The following RGS7BP variants were observed in gnomAD, a reference collection of about 807,000 sequenced individuals.
RGS7BP encodes the protein regulator of G protein signaling 7 binding protein.
Under a neutral mutation model 31.3 loss-of-function variants are expected in RGS7BP, and 9 were observed. The observed-to-expected ratio is 0.29, with a 90% CI of 0.17 to 0.50. The LOEUF is 0.50. Ranked by LOEUF, RGS7BP falls within the 20% of genes least tolerant of loss-of-function variation. The pLI is 0.98. For synonymous variants in RGS7BP, 115 were observed against 120.1 expected, an observed-to-expected ratio of 0.96 and a Z score of 0.28; for missense variants, 274 against 322.0, an observed-to-expected ratio of 0.85 and a Z score of 1.14.
chr5:64,508,055 G>A (rs142835725), intron 2 of RGS7BP, among the ~76,000 whole-genome samples, 178 bp downstream of exon 2: 1 of 152,274 alleles, frequency 6.6e-6, no homozygotes, highest in East Asian at 1.9e-4. Context: ...TGAAGGCTGT[G>A]TCATTCTTGC....
chr5:64,561,134 C>T (rs1742046019), intron 2 of RGS7BP, among the ~76,000 whole-genome samples: 1 of 152,112 alleles, frequency 6.6e-6, no homozygotes, highest in Non-Finnish European at 1.5e-5. Context: ...CCTGATGGTC[C>T]TCCTGTGCTA....
At chr5:64,595,290 C>T (rs903376794) in intron 4 of RGS7BP, among the ~76,000 whole-genome samples, 2 of 152,110 alleles carry the variant, frequency 1.3e-5, no homozygotes, top group Admixed American at 6.6e-5. Flanking sequence ...AGTAAAGTCT[C>T]GGGTTTCAGG....
chr5:64,609,066 C>T, intron 5 of RGS7BP, 95 bp from the exon 6 acceptor site: 1 of 805,772 alleles, frequency 1.2e-6, no homozygotes, highest in Non-Finnish European at 2.2e-6. Flanking sequence ...TTGAGAAATC[C>T]TGATTAGGAG....
At chr5:64,605,916 C>CAT (rs549582180) in intron 5 of RGS7BP, among the ~76,000 whole-genome samples, 3,547 of 123,608 alleles carry the variant, frequency 0.029, 272 homozygotes, top group African/African-American at 0.1. Flanking sequence ...TATCTGGATA[C>CAT]ATATATATAT....
Position 64,594,823 on chromosome 5 carries a change from T to C in RGS7BP, c.577T>C (p.Trp193Arg), listed in dbSNP as rs1743020527. The C allele has an allele frequency of 6.2e-7, 1 of 1,613,788 alleles. No homozygotes were observed. Among genetic ancestry groups the C allele is most frequent in the Non-Finnish European group, 8.5e-7 (1 of 1,179,780 alleles). ...CCCCGTAGATAGTCAGCAACATTCC[T>C]GGCAGGTTTCCACAGACATTGAGAA... ...SSPVDSQQHS[W>R]QVSTDIENTE... Residue 193 changes from tryptophan (W) to arginine (R), a missense_variant, in exon 4 of 6, where the codon TGG becomes CGG. Coordinates refer to ENST00000334025, the MANE Select transcript of RGS7BP (RefSeq NM_001029875.3).
At chr5:64,518,353 TGTG>T (rs570515593) in intron 2 of RGS7BP, among the ~76,000 whole-genome samples, 2 of 147,138 alleles carry the variant, frequency 1.4e-5, no homozygotes, top group Non-Finnish European at 3.0e-5. Context: ...TCATGGTGTG[TGTG>T]GTGGTGGTGG....
chr5:64,539,490 C>T (rs1017466018), intron 2 of RGS7BP: 4 of 152,092 alleles, frequency 2.6e-5, no homozygotes, highest in African/African-American at 9.7e-5. Context: ...TTCTTTTAGA[C>T]GTTTTATAGT....
intron 2 of RGS7BP, among the ~76,000 whole-genome samples, chr5:64,515,322 G>A (rs1748945121): frequency 6.6e-6 from 1 of 152,154 alleles, no homozygotes; most frequent in Non-Finnish European, 1.5e-5. Flanking sequence ...CAGAGGACTT[G>A]AAGAGCTTAT....
intron 2 of RGS7BP, among the ~76,000 whole-genome samples, chr5:64,560,981 G>A (rs11956737): frequency 0.21 from 31,339 of 152,060 alleles, 3,983 homozygotes; most frequent in South Asian, 0.34. Context: ...CAAAAAGTTA[G>A]AGAGGGTTCT....
intron 2 of RGS7BP, among the ~76,000 whole-genome samples, chr5:64,547,821 C>T (rs1033625730): frequency 2.6e-5 from 4 of 152,100 alleles, no homozygotes; most frequent in Admixed American, 2.6e-4. Flanking sequence ...GGTTCTCTTT[C>T]CTCTTCTCAT....
At chr5:64,569,192 A>G (rs1742244414) in intron 2 of RGS7BP, among the ~76,000 whole-genome samples, 1 of 152,096 alleles carries the variant, frequency 6.6e-6, no homozygotes, top group Admixed American at 6.6e-5. Flanking sequence ...AGCCAGCCAT[A>G]TGTTCCCATG....
At chr5:64,515,711 TACAC>T (rs140297030) in intron 2 of RGS7BP, among the ~76,000 whole-genome samples, 7 of 148,654 alleles carry the variant, frequency 4.7e-5, no homozygotes, top group Admixed American at 1.3e-4. Context: ...CCTATATGCA[TACAC>T]ACACACACAC....
chr5:64,577,887 CTTG>C (rs556257705), intron 3 of RGS7BP, among the ~76,000 whole-genome samples: 1,645 of 152,276 alleles, frequency 0.011, 10 homozygotes, highest in Non-Finnish European at 0.018. Context: ...GATTTCATGC[CTTG>C]TTGCCACTGG....
At chr5:64,573,718 T>A (rs1742353929) in intron 2 of RGS7BP, 1 of 152,234 alleles carries the variant, frequency 6.6e-6, no homozygotes, top group Non-Finnish European at 1.5e-5. Context: ...GGTGTTCTAT[T>A]GCACAGTAAG....
At chr5:64,556,417 C>CCACACACACA (rs10624566) in intron 2 of RGS7BP, among the ~76,000 whole-genome samples, 15 of 125,430 alleles carry the variant, frequency 1.2e-4, no homozygotes, top group African/African-American at 9.0e-5. Flanking sequence ...TCTTCCCCAG[C>CCACACACACA]CACACACACA....
intron 2 of RGS7BP, among the ~76,000 whole-genome samples, chr5:64,526,278 A>G (rs151011772): frequency 1.0e-3 from 152 of 152,258 alleles, no homozygotes; most frequent in African/African-American, 3.1e-3. Context: ...CTTCAATTCT[A>G]TTGGCATCTG....
At position 64,575,758 on chromosome 5, in the gene RGS7BP, T is replaced by C. The variant is rs775067079; in HGVS notation, c.333-16T>C. The C allele has an allele frequency of 2.5e-6, 4 of 1,598,968 alleles. No homozygotes were observed. The highest frequency in any genetic ancestry group is 3.4e-6 in the Non-Finnish European group (4 of 1,174,822). On this transcript the variant is annotated splice_polypyrimidine_tract_variant and intron_variant, in intron 2 of 5. Transcript: ENST00000334025. ...CTTGAGAATGTTCACAGCTTTTCTC[T>C]TTCATTCTGTTGCAGCCCGGAAGAT...
intron 2 of RGS7BP, among the ~76,000 whole-genome samples, chr5:64,540,655 A>G (rs556600106): frequency 6.6e-6 from 1 of 152,326 alleles, no homozygotes; most frequent in East Asian, 1.9e-4. Flanking sequence ...TCTTCAGTTC[A>G]AGTCCTCTGG....
At chr5:64,582,170 A>G (rs549257711) in intron 3 of RGS7BP, among the ~76,000 whole-genome samples, 2 of 152,216 alleles carry the variant, frequency 1.3e-5, no homozygotes, top group African/African-American at 4.8e-5. Context: ...ATCTTTTCCC[A>G]TTACTGAGTC....
Sources: allele counts gnomAD v4.1 joint callset (sites outside exome capture counted in the v4.1 genomes callset), GRCh38; gene constraint gnomAD v4.1.1; transcripts MANE v1.5; gene names NCBI Gene and HGNC (gene_info 2026-07-23, HGNC 2026-07-21).